The following OMA1 variants were observed in gnomAD, a reference collection of about 807,000 sequenced individuals.
OMA1 encodes the protein OMA1 zinc metallopeptidase.
Under a neutral mutation model 30.9 loss-of-function variants are expected in OMA1, and 38 were observed. The observed-to-expected ratio is 1.23, with a 90% CI of 0.95 to 1.61. The LOEUF (loss-of-function observed/expected upper bound fraction) is 1.61. Ranked by LOEUF, OMA1 falls within the 40% of genes most tolerant of loss-of-function variation. The pLI is 0.00. For missense variants in OMA1, 461 were observed against 349.2 expected (o/e 1.32, Z -2.55); for synonymous variants, 173 against 121.9 (o/e 1.42, Z -2.76).
chr1:58,533,226 T>A (rs2100479939), intron 5 of OMA1, among the ~76,000 whole-genome samples: 1 of 152,334 alleles, frequency 6.6e-6, no homozygotes, highest in South Asian at 2.1e-4. Context: ...AATTCTATGA[T>A]CTATAAGAAA....
chr1:58,520,362 CAAG>C (rs1371768410), intron 7 of OMA1, among the ~76,000 whole-genome samples: 1 of 152,150 alleles, frequency 6.6e-6, no homozygotes, highest in Non-Finnish European at 1.5e-5. Flanking sequence ...TCCTACAACT[CAAG>C]AATAAGAACA....
chr1:58,481,676 T>C (rs756791797), intron 8 of OMA1, among the ~76,000 whole-genome samples: 1 of 150,460 alleles, frequency 6.6e-6, no homozygotes, highest in African/African-American at 2.4e-5. Context: ...TCATCTTGAA[T>C]TGCAGTTCCC....
chr1:58,531,635 C>T (rs1218819556), intron 5 of OMA1, among the ~76,000 whole-genome samples: 5 of 152,092 alleles, frequency 3.3e-5, no homozygotes, highest in African/African-American at 4.8e-5. Context: ...CCTCACAAAA[C>T]ATACTTTACC....
At chr1:58,491,312 G>T (rs1189512273) in intron 8 of OMA1, among the ~76,000 whole-genome samples, 9 of 152,130 alleles carry the variant, frequency 5.9e-5, no homozygotes, top group Admixed American at 4.6e-4. Context: ...GCAAAAACAT[G>T]CCAAATTGTA....
At chr1:58,483,509 C>T (rs1024505039) in intron 8 of OMA1, among the ~76,000 whole-genome samples, 3 of 152,120 alleles carry the variant, frequency 2.0e-5, no homozygotes, top group Non-Finnish European at 1.5e-5. Context: ...CATTACTTAA[C>T]GTGAAATTCT....
At chr1:58,532,924 T>C (rs1485109759) in intron 5 of OMA1, among the ~76,000 whole-genome samples, 1 of 152,214 alleles carries the variant, frequency 6.6e-6, no homozygotes, top group Non-Finnish European at 1.5e-5. Flanking sequence ...TCTCATCTTA[T>C]TAATAGTCTA....
chr1:58,512,927 C>T (rs142066958), intron 7 of OMA1, among the ~76,000 whole-genome samples: 45 of 152,172 alleles, frequency 3.0e-4, no homozygotes, highest in African/African-American at 9.9e-4. Context: ...AAAAAAGTAA[C>T]GATAGACCAA....
At chr1:58,509,742 C>A (rs1480669500) in intron 7 of OMA1, among the ~76,000 whole-genome samples, 3 of 151,000 alleles carry the variant, frequency 2.0e-5, no homozygotes, top group African/African-American at 7.3e-5. Context: ...ACAAAACTGA[C>A]AAGTCGTTAG....
intron 8 of OMA1, among the ~76,000 whole-genome samples, chr1:58,499,313 A>C (rs1645858261): frequency 8.7e-6 from 1 of 114,850 alleles, no homozygotes; most frequent in African/African-American, 3.9e-5. Flanking sequence ...CCACATCTCT[A>C]CAAAAAAAAA....
intron 3 of OMA1, among the ~76,000 whole-genome samples, chr1:58,535,488 C>T (rs1646501808): frequency 6.7e-6 from 1 of 149,756 alleles, no homozygotes. Flanking sequence ...CCCAGCTACT[C>T]GGGAGGCTGA....
At chr1:58,537,295 A>C (rs1338870363) in intron 2 of OMA1, among the ~76,000 whole-genome samples, 1 of 152,164 alleles carries the variant, frequency 6.6e-6, no homozygotes, top group East Asian at 1.9e-4. Context: ...ATAAATCTAT[A>C]CCTGGAACCA....
At chr1:58,524,836 A>C (rs1001959187) in intron 7 of OMA1, among the ~76,000 whole-genome samples, 3 of 152,222 alleles carry the variant, frequency 2.0e-5, no homozygotes, top group African/African-American at 7.2e-5. Context: ...ACAATGAAAA[A>C]TATGCAAGAA....
intron 7 of OMA1, among the ~76,000 whole-genome samples, chr1:58,524,171 CATT>C (rs1458584545): frequency 1.3e-5 from 2 of 152,188 alleles, no homozygotes; most frequent in Non-Finnish European, 2.9e-5. Context: ...TCTTGATGCT[CATT>C]AATAAATGTC....
At chr1:58,544,528 T>C (rs1291846741) in intron 1 of OMA1, among the ~76,000 whole-genome samples, 1 of 152,246 alleles carries the variant, frequency 6.6e-6, no homozygotes, top group Non-Finnish European at 1.5e-5. Flanking sequence ...CAGTTCAAAT[T>C]TCTACGGGAT....
intron 8 of OMA1, among the ~76,000 whole-genome samples, chr1:58,494,080 T>C (rs539247178): frequency 2.8e-4 from 42 of 151,828 alleles, no homozygotes; most frequent in African/African-American, 9.2e-4. Context: ...ATATAGACCA[T>C]TGGAACAGAA....
chr1:58,486,349 G>C (rs1167062073), intron 8 of OMA1, among the ~76,000 whole-genome samples: 1 of 152,162 alleles, frequency 6.6e-6, no homozygotes, highest in Non-Finnish European at 1.5e-5. Context: ...TAAAACCGAA[G>C]ACTCCTAAGA....
chr1:58,489,502 C>T (rs1287943063), intron 8 of OMA1, among the ~76,000 whole-genome samples: 3 of 152,040 alleles, frequency 2.0e-5, no homozygotes, highest in African/African-American at 7.3e-5. Context: ...CCTGTGTAGA[C>T]TCCACCTCTG....
rs200094957 is a variant in OMA1, at chr1:58,539,303, T to C, written c.-9A>G. 1.7e-5 allele frequency: 14 copies of C among 817,010 alleles called. No individual in the cohort carries two copies. The highest frequency in any genetic ancestry group is 1.7e-4 in the African/African-American group (10 of 58,634). 50.6% of individuals were successfully genotyped at this position (817,010 alleles called of 1,614,324 possible). ...CCACAGATGAAGCTCATTTTTTCAC[T>C]TGACTACCTGAAACAAAAAAAAAAC... On this transcript the variant is annotated 5_prime_UTR_variant, in exon 2 of 9. Coordinates refer to ENST00000371226, the MANE Select transcript of OMA1 (RefSeq NM_145243.5).
chr1:58,507,394 C>T (rs190615198), intron 7 of OMA1, among the ~76,000 whole-genome samples: 77 of 151,948 alleles, frequency 5.1e-4, no homozygotes, highest in African/African-American at 1.6e-3. Context: ...TAGTCAACAA[C>T]CATGCTACAT....
Sources: allele counts gnomAD v4.1 joint callset (sites outside exome capture counted in the v4.1 genomes callset), GRCh38; gene constraint gnomAD v4.1.1; transcripts MANE v1.5; gene names NCBI Gene and HGNC (gene_info 2026-07-23, HGNC 2026-07-21).